The following USP33 variants were observed in gnomAD, a reference collection of about 807,000 sequenced individuals.
USP33 encodes the protein ubiquitin carboxyl-terminal hydrolase 33.
USP33 carries 46 observed loss-of-function variants against 124.2 expected under a neutral mutation model. That is an observed-to-expected ratio of 0.37 (90% CI 0.29 to 0.47). USP33 has a LOEUF of 0.47. Ranked by LOEUF, USP33 falls within the 20% of genes least tolerant of loss-of-function variation. The pLI is 0.99. For synonymous variants in USP33, 350 were observed against 352.3 expected (o/e 0.99, Z 0.07); for missense variants, 851 against 1,070.6 (o/e 0.79, Z 2.86).
At chr1:77,738,055 A>G (rs2101534256) in intron 5 of USP33, among the ~76,000 whole-genome samples, 1 of 152,366 alleles carries the variant, frequency 6.6e-6, no homozygotes, top group South Asian at 2.1e-4. Context: ...AATAGGTATA[A>G]GTGGGAGAAA....
intron 1 of USP33, among the ~76,000 whole-genome samples, chr1:77,753,003 C>T (rs1265153225): frequency 5.9e-5 from 9 of 151,890 alleles, no homozygotes; most frequent in Admixed American, 5.9e-4. Flanking sequence ...TGCTGGAACC[C>T]GCGAAGAGGA....
chr1:77,744,222 A>G (rs1478048731), intron 1 of USP33, among the ~76,000 whole-genome samples: 1 of 152,182 alleles, frequency 6.6e-6, no homozygotes, highest in East Asian at 1.9e-4. Flanking sequence ...AAAGGAATGA[A>G]AAAATTCAGT....
chr1:77,698,217 C>T (rs374488585), intron 22 of USP33, among the ~76,000 whole-genome samples: 1 of 151,026 alleles, frequency 6.6e-6, no homozygotes, highest in East Asian at 2.0e-4. Context: ...GCACACACCA[C>T]CACGCCCGGC....
At chr1:77,742,002 G>GT (rs1427045039) in intron 1 of USP33, among the ~76,000 whole-genome samples, 1 of 151,938 alleles carries the variant, frequency 6.6e-6, no homozygotes, top group Non-Finnish European at 1.5e-5. Context: ...ATAAACAAAT[G>GT]TAAGTTTGTT....
Position 77,733,792 on chromosome 1 carries a change from C to T in USP33, c.524+555G>A, listed in dbSNP as rs141948944. Among the ~76,000 whole-genome samples the T allele has an allele frequency of 1.5e-3, 232 of 152,236 alleles. 2 individuals are homozygous for T. The highest frequency in any genetic ancestry group is 5.3e-3 in the African/African-American group (221 of 41,546). ...AGCATTTCATATGAGGGATACTCAA[C>T]CTGTAGACATACGTTCAATCTCCAA... On this transcript the variant is annotated intron_variant, in intron 7 of 23. Transcript: ENST00000370794.
Position 77,728,581 on chromosome 1 carries a change from C to T in USP33, c.849G>A (p.Ser283=), listed in dbSNP as rs186381561. ...ATTCACAAGACTGAAAATCTACATC[C>T]GACTGGCTCTTGTCTTCTTCCATTG... ...EETMEEDKSQ[S]DVDFQSCESC... The change falls in exon 10 of 24, where the codon TCG becomes TCA. Residue 283 remains serine, a synonymous_variant. Transcript: ENST00000370794. 91 of 1,614,128 alleles carry T rather than the reference C, an allele frequency of 5.6e-5. No homozygotes were observed. The highest frequency in any genetic ancestry group is 6.7e-5 in the Non-Finnish European group (79 of 1,180,010).
intron 21 of USP33, among the ~76,000 whole-genome samples, chr1:77,707,272 A>C (rs1042700610): frequency 6.6e-6 from 1 of 152,208 alleles, no homozygotes; most frequent in Admixed American, 6.5e-5. Flanking sequence ...TTCACCCTGC[A>C]GAGGCTCTAG....
At chr1:77,740,184 C>T (rs1254474465) in intron 4 of USP33, among the ~76,000 whole-genome samples, 1 of 152,080 alleles carries the variant, frequency 6.6e-6, no homozygotes, top group Non-Finnish European at 1.5e-5. Flanking sequence ...ACAACCAGAG[C>T]AAAGCAGAAA....
chr1:77,748,321 T>C (rs1271944925), intron 1 of USP33, among the ~76,000 whole-genome samples: 1 of 152,238 alleles, frequency 6.6e-6, no homozygotes, highest in Non-Finnish European at 1.5e-5. Flanking sequence ...TTTAATGCTC[T>C]TGACATTTAG....
At chr1:77,697,975 CA>C in intron 22 of USP33, 44 bp from the exon 23 acceptor site, 1 of 1,528,906 alleles carries the variant, frequency 6.5e-7, no homozygotes, top group South Asian at 1.2e-5. Context: ...AGAAATGTAA[CA>C]AAAAATTGCA....
Position 77,719,884 on chromosome 1 carries a change from G to A in USP33, c.1692-1243C>T, listed in dbSNP as rs559525325. On this transcript the variant is annotated intron_variant, in intron 15 of 23. Coordinates refer to ENST00000370794, the MANE Select transcript of USP33 (RefSeq NM_201624.3). ...AAAAAAAAAAAAAAAAGTCTTGGCC[G>A]GACACAGTGGCTCACGCTTGTAATC... 5.5e-5 allele frequency among the ~76,000 whole-genome samples: 8 copies of A among 146,218 alleles called. No homozygotes were observed. The South Asian group carries it at 6.5e-4, about 12-fold the overall frequency.
intron 1 of USP33, among the ~76,000 whole-genome samples, chr1:77,742,967 A>T (rs1679302066): frequency 6.6e-6 from 1 of 150,594 alleles, no homozygotes; most frequent in Admixed American, 6.6e-5. Context: ...TTTGAGACAG[A>T]GTTTCACTCT....
intron 1 of USP33, among the ~76,000 whole-genome samples, chr1:77,758,059 A>C: frequency 6.6e-6 from 1 of 152,224 alleles, no homozygotes; most frequent in Non-Finnish European, 1.5e-5. Flanking sequence ...AAAAGACAGA[A>C]AAAAAGTGAA....
chr1:77,756,326 T>C (rs1680800061), intron 1 of USP33, among the ~76,000 whole-genome samples: 1 of 152,178 alleles, frequency 6.6e-6, no homozygotes, highest in Non-Finnish European at 1.5e-5. Context: ...TAGGTCTCTA[T>C]CTAAATTGAG....
intron 17 of USP33, among the ~76,000 whole-genome samples, chr1:77,716,845 T>C (rs1675962949): frequency 6.6e-6 from 1 of 151,970 alleles, no homozygotes; most frequent in Admixed American, 6.6e-5. Flanking sequence ...CACCCAGCTA[T>C]TAGAAAACAT....
rs77088672 is a variant in USP33 at position 77,756,249 on chromosome 1, C to G, written c.-52+3394G>C. 4.6e-3 allele frequency among the ~76,000 whole-genome samples: 698 copies of G among 152,244 alleles called. 7 individuals are homozygous for G. The highest frequency in any genetic ancestry group is 0.016 in the African/African-American group (668 of 41,554). ...CAAGCCACAGCACCTGGCTCCCCTC[C>G]TCACTTTCTATCAGTTTCTAAATTC... is the stretch of plus-strand genomic sequence containing the variant. On this transcript the variant is annotated intron_variant, in intron 1 of 23. Transcript: ENST00000370794.
intron 1 of USP33, among the ~76,000 whole-genome samples, chr1:77,747,130 A>G (rs933341100): frequency 3.3e-5 from 5 of 152,100 alleles, no homozygotes; most frequent in Non-Finnish European, 7.4e-5. Flanking sequence ...TAATTGTGGT[A>G]AACACCATGC....
intron 22 of USP33, among the ~76,000 whole-genome samples, chr1:77,700,669 T>C (rs1223091707): frequency 2.0e-5 from 3 of 151,954 alleles, no homozygotes; most frequent in Non-Finnish European, 2.9e-5. Flanking sequence ...CTAGGCATAT[T>C]GTTGCAGCCT....
At position 77,729,980 on chromosome 1, in the gene USP33, T is replaced by C. The variant is rs77046804; in HGVS notation, c.639-42A>G. On this transcript the variant is annotated intron_variant, in intron 8 of 23. Coordinates refer to ENST00000370794, the MANE Select transcript of USP33 (RefSeq NM_201624.3). Reference sequence around the variant, plus strand: ...TTTTAAAGAGCAATTTTTGTTATTTTTAATTTTCATTTTAAAAATTAACTA... The same window carrying C: ...TTTTAAAGAGCAATTTTTGTTATTTCTAATTTTCATTTTAAAAATTAACTA... The C allele has an allele frequency of 4.7e-3, 7,114 of 1,517,702 alleles. 230 individuals carry two copies. In the African/African-American group the frequency reaches 0.075, roughly 16 times the overall value. The allele number at this position is 1,517,702 out of a possible 1,614,324, so 94.0% of individuals were successfully genotyped here. A position where few individuals can be genotyped will look rare whatever the true frequency, so the allele number is the denominator to read the frequency against.
Sources: gnomAD v4.1 joint callset for allele counts (sites outside exome capture counted in the v4.1 genomes callset) on GRCh38, gnomAD v4.1.1 for gene constraint, MANE v1.5 for transcripts, NCBI Gene and HGNC (gene_info 2026-07-23, HGNC 2026-07-21) for gene names.